Variants in FRMD4A observed in about 807,000 individuals in gnomAD.
The protein encoded by FRMD4A is FERM domain-containing protein 4A.
Under a neutral mutation model 129.1 loss-of-function variants are expected in FRMD4A, and 29 were observed. The observed-to-expected ratio is 0.22, with a 90% CI of 0.17 to 0.31. The LOEUF (loss-of-function observed/expected upper bound fraction) is 0.31, where lower values mean the gene tolerates loss of function less well. Ranked by LOEUF, FRMD4A falls within the 10% of genes least tolerant of loss-of-function variation. The pLI is 1.00. For synonymous variants in FRMD4A, 634 were observed against 571.6 expected (o/e 1.11, Z -1.56); for missense variants, 1,272 against 1,375.8 (o/e 0.92, Z 1.19).
At chr10:13,830,795 C>CTTATCATTA (rs1554925365) in intron 3 of FRMD4A, among the ~76,000 whole-genome samples, 3 of 151,972 alleles carry the variant, frequency 2.0e-5, no homozygotes, top group African/African-American at 7.3e-5. Flanking sequence ...ATAAGTTTTG[C>CTTATCATTA]TTATTATTAT....
At chr10:14,306,377 AG>A (rs1336510712) in intron 2 of FRMD4A, among the ~76,000 whole-genome samples, 1 of 152,234 alleles carries the variant, frequency 6.6e-6, no homozygotes, top group East Asian at 1.9e-4. Flanking sequence ...GGAAAGTAAA[AG>A]TTTACCCGAG....
intron 2 of FRMD4A, among the ~76,000 whole-genome samples, chr10:14,224,076 G>A (rs1843355083): frequency 1.3e-5 from 2 of 152,174 alleles, no homozygotes; most frequent in South Asian, 4.1e-4. Flanking sequence ...GAGTCCTGTG[G>A]CTCTCACAAA....
chr10:13,899,196 T>C (rs2094792624), intron 2 of FRMD4A, among the ~76,000 whole-genome samples: 1 of 151,984 alleles, frequency 6.6e-6, no homozygotes, highest in African/African-American at 2.4e-5. Context: ...TAATATCTAT[T>C]GCCAGCCTTA....
chr10:13,820,939 G>A (rs1330403559), intron 3 of FRMD4A, among the ~76,000 whole-genome samples: 2 of 152,224 alleles, frequency 1.3e-5, no homozygotes, highest in Non-Finnish European at 2.9e-5. Context: ...TGGACAGGAG[G>A]GGCCGGGGTT....
chr10:14,210,025 G>A (rs1188557287), intron 2 of FRMD4A, among the ~76,000 whole-genome samples: 1 of 152,170 alleles, frequency 6.6e-6, no homozygotes, highest in Non-Finnish European at 1.5e-5. Context: ...AACCCTGCAG[G>A]CATCTCAATT....
intron 2 of FRMD4A, among the ~76,000 whole-genome samples, chr10:14,087,840 T>G (rs554879487): frequency 1.3e-5 from 2 of 152,152 alleles, no homozygotes; most frequent in African/African-American, 2.4e-5. Flanking sequence ...TAAACAACAG[T>G]GCCGTGTGCA....
intron 2 of FRMD4A, among the ~76,000 whole-genome samples, chr10:14,022,114 C>G (rs1040027845): frequency 3.3e-5 from 5 of 152,140 alleles, no homozygotes; most frequent in Admixed American, 1.3e-4. Flanking sequence ...TTTTGGATCT[C>G]AGGATCACCT....
intron 6 of FRMD4A, among the ~76,000 whole-genome samples, chr10:13,773,576 C>T (rs1276198371): frequency 6.6e-6 from 1 of 152,190 alleles, no homozygotes; most frequent in Non-Finnish European, 1.5e-5. Flanking sequence ...TTCTTGATTT[C>T]TCTTATAGCT....
intron 2 of FRMD4A, chr10:14,003,455 T>A (rs530690776): frequency 6.6e-6 from 1 of 152,286 alleles, no homozygotes; most frequent in South Asian, 2.1e-4. Context: ...GTGTGGATAT[T>A]AGAGATGATA....
intron 16 of FRMD4A, among the ~76,000 whole-genome samples, chr10:13,672,089 G>C (rs1028525422): frequency 3.9e-5 from 6 of 152,230 alleles, no homozygotes; most frequent in Non-Finnish European, 8.8e-5. Context: ...TGCAGGCATG[G>C]TGTGTGCATG....
intron 2 of FRMD4A, among the ~76,000 whole-genome samples, chr10:13,956,363 G>C (rs1024376374): frequency 6.6e-6 from 1 of 152,146 alleles, no homozygotes; most frequent in African/African-American, 2.4e-5. Flanking sequence ...TGTGGGCCAG[G>C]CTGGTCTTGA....
intron 2 of FRMD4A, among the ~76,000 whole-genome samples, chr10:14,223,388 G>A (rs1331566953): frequency 1.3e-5 from 2 of 152,096 alleles, no homozygotes; most frequent in Non-Finnish European, 2.9e-5. Flanking sequence ...TCTCTAGAAG[G>A]CAACAGACTA....
Position 14,101,489 on chromosome 10 carries a change from A to G in FRMD4A, c.45+228569T>C, listed in dbSNP as rs549156331. On this transcript the variant is annotated intron_variant, in intron 2 of 24. Coordinates refer to ENST00000357447, the MANE Select transcript of FRMD4A (RefSeq NM_018027.5). ...GGACATTCATTTATGCTCTATTCCA[A>G]TTTAGGTGTGAATTAGTTTCAACAC... Among the ~76,000 whole-genome samples, 42 of 152,330 alleles carry G rather than the reference A, an allele frequency of 2.8e-4. No individual in the cohort carries two copies. The South Asian group carries it at 3.7e-3, about 14-fold the overall frequency.
chr10:14,329,119 C>G (rs1214078641), intron 2 of FRMD4A, among the ~76,000 whole-genome samples: 1 of 152,214 alleles, frequency 6.6e-6, no homozygotes, highest in African/African-American at 2.4e-5. Context: ...ACTCATCAGG[C>G]CTTGCAAAGT....
intron 19 of FRMD4A, among the ~76,000 whole-genome samples, chr10:13,661,407 G>T (rs2082630777): frequency 6.6e-6 from 1 of 152,190 alleles, no homozygotes; most frequent in Non-Finnish European, 1.5e-5. Flanking sequence ...CTGAGGGCAG[G>T]GTACCAGCTG....
In FRMD4A at chr10:14,217,359, G is replaced by A. The variant is rs554917752; in HGVS notation, c.45+112699C>T. Among the ~76,000 whole-genome samples, 235 of 152,204 alleles carry A rather than the reference G, an allele frequency of 1.5e-3. 1 individual carries two copies. The highest frequency in any genetic ancestry group is 2.6e-3 in the Non-Finnish European group (175 of 68,020). On this transcript the variant is annotated intron_variant, in intron 2 of 24. Transcript: ENST00000357447. ...TGGGAGATCACTGAATCATGGGGGC[G>A]GTTTCCCCCATAATGTTTTCATGGT...
At position 13,660,521 on chromosome 10, in the gene FRMD4A, G is replaced by A. The variant is rs74123101; in HGVS notation, c.1693C>T (p.Leu565=). Residue 565 remains leucine (L), a synonymous_variant, in exon 20 of 25, where the codon CTA becomes TTA. Transcript: ENST00000357447. ...DSQVTSTISP[L]HSPHKGLPPR... ...GGGAGTCCCTTGTGAGGAGAATGTA[G>A]GGGGGATATTGTGCTGGTAACCTGA... 3,010 of 1,612,272 alleles carry A rather than the reference G, an allele frequency of 1.9e-3. 46 individuals carry two copies. The African/African-American group carries it at 0.034, about 18-fold the overall frequency.
chr10:14,183,089 G>A (rs1468639068), intron 2 of FRMD4A, among the ~76,000 whole-genome samples: 1 of 152,234 alleles, frequency 6.6e-6, no homozygotes, highest in Non-Finnish European at 1.5e-5. Context: ...GAGCTAGGCA[G>A]TAACATATTT....
Position 13,656,948 on chromosome 10 carries a change from C to T in FRMD4A, c.2641G>A (p.Glu881Lys). 6.5e-7 allele frequency: 1 copy of T among 1,532,604 alleles called. No individual in the cohort carries two copies. Among genetic ancestry groups the T allele is most frequent in the Non-Finnish European group, 8.7e-7 (1 of 1,147,056 alleles). 94.9% of individuals were successfully genotyped at this position (1,532,604 alleles called of 1,614,324 possible). Reference protein sequence around the residue: ...NSYTAGGLFKESWRGGGGDEG... With the variant: ...NSYTAGGLFKKSWRGGGGDEG... ...TCGCCGCCGCCGCCGCGCCAGCTCT[C>T]CTTGAACAGGCCGCCCGCCGTGTAG... is the stretch of plus-strand genomic sequence containing the variant. The change falls in exon 22 of 25, where the codon GAG becomes AAG. Residue 881 changes from glutamate to lysine, a missense_variant. Coordinates refer to ENST00000357447, the MANE Select transcript of FRMD4A (RefSeq NM_018027.5).
Sources: allele counts gnomAD v4.1 joint callset (sites outside exome capture counted in the v4.1 genomes callset), GRCh38; gene constraint gnomAD v4.1.1; transcripts MANE v1.5; gene names NCBI Gene and HGNC (gene_info 2026-07-23, HGNC 2026-07-21).